Variants in PARD6G observed in about 807,000 individuals in gnomAD.
The protein encoded by PARD6G is par-6 family cell polarity regulator gamma.
A neutral mutation model predicts 10.7 loss-of-function variants in PARD6G; 7 were observed. That is an observed-to-expected ratio of 0.66 (90% confidence interval 0.37 to 1.23). The LOEUF is 1.23. Among genes scored for constraint, PARD6G ranks in the 50% most tolerant of loss-of-function variants. The pLI, the probability that PARD6G is intolerant of heterozygous loss-of-function variation, is 0.02. For synonymous variants in PARD6G, 287 were observed against 269.4 expected (o/e 1.07, Z -0.64); for missense variants, 548 against 571.8 (o/e 0.96, Z 0.42).
At chr18:80,176,245 A>G (rs2052807288) in intron 2 of PARD6G, among the ~76,000 whole-genome samples, 1 of 152,244 alleles carries the variant, frequency 6.6e-6, no homozygotes, top group South Asian at 2.1e-4. Context: ...TAACTTGATC[A>G]GGTTTAAAGT....
chr18:80,210,071 G>A (rs1019544503), intron 1 of PARD6G, among the ~76,000 whole-genome samples: 4 of 152,156 alleles, frequency 2.6e-5, no homozygotes. Context: ...CTTGGAGCCA[G>A]TTGCGATAAA....
intron 2 of PARD6G, among the ~76,000 whole-genome samples, chr18:80,195,005 G>A (rs986470586): frequency 1.3e-5 from 2 of 150,876 alleles, no homozygotes; most frequent in Non-Finnish European, 2.9e-5. Flanking sequence ...GAGGAGGAGG[G>A]GACAGGAAAC....
At position 80,160,544 on chromosome 18, in the gene PARD6G, C is replaced by G; in HGVS notation, c.358G>C (p.Ala120Pro). Residue 120 changes from alanine to proline, a missense_variant, in exon 3 of 3, where the codon GCG (alanine) becomes CCG (proline). Transcript: ENST00000353265. ...SLCRRRRALG[A>P]LRDEGPRRRA... Reference sequence around the variant, plus strand: ...CGCCGGGGTCCTTCATCACGCAGCGCGCCCAGCGCCCGCCTCCGCCTGCAC... The same window carrying G: ...CGCCGGGGTCCTTCATCACGCAGCGGGCCCAGCGCCCGCCTCCGCCTGCAC... 6.7e-7 allele frequency: 1 copy of G among 1,491,936 alleles called. No individual in the cohort carries two copies. The highest frequency in any genetic ancestry group is 8.9e-7 in the Non-Finnish European group (1 of 1,123,178). 92.4% of individuals were successfully genotyped at this position (1,491,936 alleles called of 1,614,324 possible). A position where few individuals can be genotyped will look rare whatever the true frequency, so the allele number is the denominator to read the frequency against.
rs186933313 is a variant in PARD6G, at chr18:80,182,345, C to G, written c.295+20365G>C. On this transcript the variant is annotated intron_variant, in intron 2 of 2. Coordinates refer to ENST00000353265, the MANE Select transcript of PARD6G (RefSeq NM_032510.4). This position sits in a 1 kb window ranked among gnomAD's most constrained non-coding sequence, Gnocchi z 4.5. ...TGCCCCCAGTATCCACAAGGAGGGACAAACTCTCACATGGACAGTGAGGGT... is the reference window on the plus strand; with the variant it reads ...TGCCCCCAGTATCCACAAGGAGGGAGAAACTCTCACATGGACAGTGAGGGT... Among the ~76,000 whole-genome samples the G allele has an allele frequency of 2.6e-5, 4 of 152,370 alleles. No individual in the cohort carries two copies. The highest frequency in any genetic ancestry group is 2.1e-4 in the South Asian group (1 of 4,830).
chr18:80,234,999 C>T (rs1165965031), intron 1 of PARD6G, among the ~76,000 whole-genome samples: 2 of 152,208 alleles, frequency 1.3e-5, no homozygotes, highest in African/African-American at 4.8e-5. Flanking sequence ...AGCTCTGCAC[C>T]AAGCAGACCT....
chr18:80,212,432 A>C (rs1010815949), intron 1 of PARD6G, among the ~76,000 whole-genome samples: 6 of 152,368 alleles, frequency 3.9e-5, no homozygotes, highest in African/African-American at 1.2e-4. Flanking sequence ...ATGCTGCAGT[A>C]TGAAAGTGCC....
chr18:80,198,327 A>T (rs1966976693), intron 2 of PARD6G, among the ~76,000 whole-genome samples: 1 of 152,234 alleles, frequency 6.6e-6, no homozygotes, highest in Admixed American at 6.5e-5. Context: ...AATAAAGCAC[A>T]GGGGATTATA....
In PARD6G at chr18:80,165,810, G is replaced by A. The variant is rs1042834294; in HGVS notation, c.296-5204C>T. On this transcript the variant is annotated intron_variant, in intron 2 of 2. Transcript: ENST00000353265. ...ATAATTTATCATTTCCACTGGGTGC[G>A]CTGGCTCACACCTGTAATCCCAGCA... Among the ~76,000 whole-genome samples the A allele has an allele frequency of 1.4e-4, 21 of 152,186 alleles. 1 individual carries two copies. The highest frequency in any genetic ancestry group is 4.4e-5 in the Non-Finnish European group (3 of 68,036).
chr18:80,167,016 G>A (rs929134001), intron 2 of PARD6G, among the ~76,000 whole-genome samples: 2 of 152,070 alleles, frequency 1.3e-5, no homozygotes, highest in Non-Finnish European at 2.9e-5. Context: ...AAGGTGCAGG[G>A]CTCCGTGTGT....
In PARD6G at chr18:80,180,551, G is replaced by A. The variant is rs906780989; in HGVS notation, c.296-19945C>T. ...CCTTGCTCTCTGCCGGGCACACTGC[G>A]GCCTCTGGGTGTTTTCAGAACGGCA... On this transcript the variant is annotated intron_variant, in intron 2 of 2. Transcript: ENST00000353265. The surrounding 1 kb of genome is among the most constrained non-coding windows in gnomAD (Gnocchi z 5.6). 2.0e-5 allele frequency among the ~76,000 whole-genome samples: 3 copies of A among 152,122 alleles called. No individual in the cohort carries two copies. Among genetic ancestry groups the A allele is most frequent in the South Asian group, 2.1e-4 (1 of 4,824 alleles).
chr18:80,244,233 A>G (rs1276503606), intron 1 of PARD6G, among the ~76,000 whole-genome samples: 1 of 152,098 alleles, frequency 6.6e-6, no homozygotes, highest in Non-Finnish European at 1.5e-5. Context: ...GTGGAAGGAG[A>G]GGCCAAAGTC....
chr18:80,169,061 T>C (rs2052756758), intron 2 of PARD6G: 1 of 169,220 alleles, frequency 5.9e-6, no homozygotes. Flanking sequence ...CCAACTGCAC[T>C]CTGGGGAAGG....
chr18:80,224,614 G>A (rs760268618), intron 1 of PARD6G, among the ~76,000 whole-genome samples: 5 of 152,296 alleles, frequency 3.3e-5, no homozygotes, highest in Admixed American at 6.5e-5. Context: ...TTGAGAGGCC[G>A]AGGCGGGCGG....
intron 1 of PARD6G, among the ~76,000 whole-genome samples, chr18:80,239,724 T>C (rs1332712502): frequency 6.6e-6 from 1 of 152,166 alleles, no homozygotes; most frequent in Admixed American, 6.5e-5. Context: ...CCTCACCTTT[T>C]CCCCTCAGCT....
At chr18:80,224,671 C>A (rs980996010) in intron 1 of PARD6G, among the ~76,000 whole-genome samples, 2 of 152,146 alleles carry the variant, frequency 1.3e-5, no homozygotes. Context: ...CACGGTGAAA[C>A]CCCATCTCTA....
chr18:80,243,917 C>T (rs891361164), intron 1 of PARD6G, among the ~76,000 whole-genome samples: 7 of 152,116 alleles, frequency 4.6e-5, no homozygotes, highest in Non-Finnish European at 1.0e-4. Context: ...GGGCTCTGGG[C>T]TGAGCACACT....
chr18:80,223,341 G>A lies in PARD6G; in HGVS notation c.73-20409C>T, dbSNP rs1168656074. ...AAAGTGAAAAGGTAATCTATAGAAT[G>A]ACAGAAAATATTTGCAAATCAGATC... On this transcript the variant is annotated intron_variant, in intron 1 of 2. Transcript: ENST00000353265. Among the ~76,000 whole-genome samples, 9 of 152,304 alleles carry A rather than the reference G, an allele frequency of 5.9e-5. No individual in the cohort carries two copies. In the East Asian group the frequency reaches 1.3e-3, roughly 23 times the overall value.
At position 80,195,572 on chromosome 18, in the gene PARD6G, T is replaced by TATATATATATAC. The variant is rs894731117; in HGVS notation, c.295+7137_295+7138insGTATATATATAT. Among the ~76,000 whole-genome samples the TATATATATATAC allele has an allele frequency of 1.9e-3, 168 of 87,314 alleles. 2 individuals carry two copies. The highest frequency in any genetic ancestry group is 3.6e-3 in the African/African-American group (61 of 16,906). 57.3% of individuals were successfully genotyped at this position (87,314 alleles called of 152,430 possible). A position where few individuals can be genotyped will look rare whatever the true frequency, so the allele number is the denominator to read the frequency against. On this transcript the variant is annotated intron_variant, in intron 2 of 2. Coordinates refer to ENST00000353265, the MANE Select transcript of PARD6G (RefSeq NM_032510.4). ...ACATATATATATATATATATATATA[T>TATATATATATAC]ACACACATTTTTTTTTCTTTTTTTT...
In PARD6G at chr18:80,219,774, C is replaced by G. The variant is rs535508574; in HGVS notation, c.73-16842G>C. On this transcript the variant is annotated intron_variant, in intron 1 of 2. Transcript: ENST00000353265. ...ACTTTATTGTCCATATCACTATCAG[C>G]ATTTTGGTTAAAGCCATTCAACAAG... 1.1e-4 allele frequency among the ~76,000 whole-genome samples: 16 copies of G among 152,280 alleles called. No homozygotes were observed. In the South Asian group the frequency reaches 3.3e-3, roughly 32 times the overall value.
Sources: allele counts gnomAD v4.1 joint callset (sites outside exome capture counted in the v4.1 genomes callset), GRCh38; gene constraint gnomAD v4.1.1; non-coding constraint Gnocchi (gnomAD v3.1); transcripts MANE v1.5; gene names NCBI Gene and HGNC (gene_info 2026-07-23, HGNC 2026-07-21).